ATRNL1: variants seen among roughly 807,000 people sequenced by gnomAD.
ATRNL1 encodes attractin-like protein 1.
In ATRNL1, 95 loss-of-function variants were observed where a neutral mutation model predicts 182.7. The ratio of observed to expected loss-of-function variants is 0.52; its 90% confidence interval spans 0.44 to 0.62. ATRNL1 has a LOEUF of 0.62. Among genes scored for constraint, ATRNL1 ranks in the 20% least tolerant of loss-of-function variants. The pLI is 0.00. For synonymous variants in ATRNL1, 576 were observed against 568.3 expected (o/e 1.01, Z -0.19); for missense variants, 1,471 against 1,679.5 (o/e 0.88, Z 2.17).
At chr10:115,475,288 T>G (rs1554972872) in intron 24 of ATRNL1, among the ~76,000 whole-genome samples, 1 of 151,522 alleles carries the variant, frequency 6.6e-6, no homozygotes, top group Non-Finnish European at 1.5e-5. Context: ...AACTACTATT[T>G]TAATTATGCA....
At chr10:115,257,396 C>A (rs569450181) in intron 10 of ATRNL1, among the ~76,000 whole-genome samples, 2 of 152,216 alleles carry the variant, frequency 1.3e-5, no homozygotes, top group Admixed American at 6.5e-5. Flanking sequence ...CCTTCTTTGT[C>A]TCTTTTGATC....
chr10:115,124,688 A>G (rs1158434257), intron 3 of ATRNL1, among the ~76,000 whole-genome samples: 1 of 152,114 alleles, frequency 6.6e-6, no homozygotes, highest in Non-Finnish European at 1.5e-5. Context: ...TCTGAATTAT[A>G]TCTTTAGCTT....
At chr10:115,463,042 A>T (rs1173181689) in intron 22 of ATRNL1, among the ~76,000 whole-genome samples, 3 of 151,712 alleles carry the variant, frequency 2.0e-5, no homozygotes, top group Admixed American at 6.6e-5. Context: ...TATTATTATT[A>T]TGAATTCATC....
intron 28 of ATRNL1, among the ~76,000 whole-genome samples, chr10:115,943,613 CTT>C (rs71010059): frequency 2.0e-5 from 3 of 146,698 alleles, no homozygotes; most frequent in Admixed American, 6.8e-5. Context: ...TACAGTTTGG[CTT>C]TTTTTTTTTT....
intron 27 of ATRNL1, among the ~76,000 whole-genome samples, chr10:115,841,341 G>GA (rs1555097078): frequency 2.0e-5 from 3 of 152,076 alleles, no homozygotes; most frequent in Non-Finnish European, 4.4e-5. Flanking sequence ...AGTTAATCTA[G>GA]ATAGTATACT....
chr10:115,170,078 T>C (rs1329871639), intron 7 of ATRNL1, among the ~76,000 whole-genome samples: 2 of 152,182 alleles, frequency 1.3e-5, no homozygotes, highest in Non-Finnish European at 2.9e-5. Flanking sequence ...GATTGCATCA[T>C]CTGCAAATAG....
chr10:115,588,952 A>G (rs1187221673), intron 26 of ATRNL1, among the ~76,000 whole-genome samples: 2 of 152,190 alleles, frequency 1.3e-5, no homozygotes, highest in African/African-American at 4.8e-5. Flanking sequence ...CATGTTTAGC[A>G]TTCTTTTCAA....
At chr10:115,871,363 G>C (rs575504733) in intron 28 of ATRNL1, among the ~76,000 whole-genome samples, 51 of 148,918 alleles carry the variant, frequency 3.4e-4, no homozygotes, top group African/African-American at 1.2e-3. Context: ...TTTTGCCATA[G>C]CCTTTCTCTT....
intron 26 of ATRNL1, among the ~76,000 whole-genome samples, chr10:115,567,000 T>C (rs1854112390): frequency 6.6e-6 from 1 of 152,186 alleles, no homozygotes. Context: ...GTGGAAGGCA[T>C]GGTAAATGAT....
chr10:115,580,324 G>T (rs1214812868), intron 26 of ATRNL1, among the ~76,000 whole-genome samples: 4 of 152,034 alleles, frequency 2.6e-5, no homozygotes, highest in Admixed American at 6.6e-5. Flanking sequence ...TTGTATGTCT[G>T]TAGAAGTCTT....
At chr10:115,112,654 A>G (rs781825125) in intron 1 of ATRNL1, among the ~76,000 whole-genome samples, 8 of 152,198 alleles carry the variant, frequency 5.3e-5, no homozygotes, top group African/African-American at 1.2e-4. Context: ...TAGGAGGACA[A>G]TGCCCCAAAG....
chr10:115,265,313 C>T (rs1001471295), intron 11 of ATRNL1, 36 bp downstream of exon 11: 3 of 1,296,824 alleles, frequency 2.3e-6, no homozygotes, highest in Admixed American at 1.8e-5. Context: ...TAGAGGGTCA[C>T]TTATATCAGT....
intron 7 of ATRNL1, among the ~76,000 whole-genome samples, chr10:115,167,033 A>T (rs2144055798): frequency 6.6e-6 from 1 of 152,106 alleles, no homozygotes; most frequent in South Asian, 2.1e-4. Flanking sequence ...TTAAAGTTTT[A>T]GTTCTTAGGT....
chr10:115,163,318 A>AT (rs1846886292), intron 6 of ATRNL1, among the ~76,000 whole-genome samples: 1 of 147,844 alleles, frequency 6.8e-6, no homozygotes, highest in South Asian at 2.2e-4. Flanking sequence ...TGATTATTTT[A>AT]TTTTTTCTTT....
chr10:115,351,911 G>A lies in ATRNL1; in HGVS notation c.3175+17492G>A, dbSNP rs563181434. Among the ~76,000 whole-genome samples, 8 of 152,202 alleles carry A rather than the reference G, an allele frequency of 5.3e-5. No individual in the cohort carries two copies. In the East Asian group the frequency reaches 1.5e-3, roughly 29 times the overall value. ...AGAATTTGTTAGTTCTTCTGTAAAT[G>A]ATTTGTAGAATTCAGCAGTGAAACT... is the stretch of plus-strand genomic sequence containing the variant. On this transcript the variant is annotated intron_variant, in intron 19 of 28. Transcript: ENST00000355044.
intron 24 of ATRNL1, among the ~76,000 whole-genome samples, chr10:115,477,875 A>T (rs1249355443): frequency 1.3e-5 from 2 of 151,734 alleles, no homozygotes; most frequent in Admixed American, 1.3e-4. Context: ...AATCTGCTGC[A>T]AAGTGAATTA....
rs1554899829 is a variant in ATRNL1 at position 115,230,913 on chromosome 10, G to GAGAGAA, written c.1533-10653_1533-10652insAAGAGA. On this transcript the variant is annotated intron_variant, in intron 9 of 28. Coordinates refer to ENST00000355044, the MANE Select transcript of ATRNL1 (RefSeq NM_207303.4). The stretch of plus-strand genomic sequence containing the variant: ...AGAGAGAGAGAGAGAGAGAGAGAGA[G>GAGAGAA]AGAGAGAGAAAGAGAGAAATAGTGA... Among the ~76,000 whole-genome samples the GAGAGAA allele has an allele frequency of 9.0e-3, 1,058 of 117,422 alleles. 13 individuals are homozygous for GAGAGAA. Among genetic ancestry groups the GAGAGAA allele is most frequent in the African/African-American group, 0.035 (994 of 28,158 alleles). The allele number at this position is 117,422 out of a possible 152,430, so 77.0% of individuals were successfully genotyped here. A position where few individuals can be genotyped will look rare whatever the true frequency, so the allele number is the denominator to read the frequency against.
intron 20 of ATRNL1, among the ~76,000 whole-genome samples, chr10:115,417,924 A>G (rs1168505917): frequency 6.6e-6 from 1 of 152,156 alleles, no homozygotes; most frequent in Non-Finnish European, 1.5e-5. Flanking sequence ...GAAACTCTGG[A>G]AGGCCCTCTG....
Position 115,752,231 on chromosome 10 carries a change from G to A in ATRNL1, c.3903+24876G>A, listed in dbSNP as rs182288664. On this transcript the variant is annotated intron_variant, in intron 27 of 28. Coordinates refer to ENST00000355044, the MANE Select transcript of ATRNL1 (RefSeq NM_207303.4). ...TCATCATCAAGTAGGGGAATCAGAT[G>A]ATATATAATTATACTGCAAGGAAGA... 4.3e-3 allele frequency among the ~76,000 whole-genome samples: 658 copies of A among 152,090 alleles called. 8 individuals carry two copies. Among genetic ancestry groups the A allele is most frequent in the African/African-American group, 0.015 (605 of 41,514 alleles).
Sources: gnomAD v4.1 joint callset for allele counts (sites outside exome capture counted in the v4.1 genomes callset) on GRCh38, gnomAD v4.1.1 for gene constraint, MANE v1.5 for transcripts, NCBI Gene and HGNC (gene_info 2026-07-23, HGNC 2026-07-21) for gene names.